CEP63: variants seen among roughly 807,000 people sequenced by gnomAD.
CEP63 encodes centrosomal protein 63, also known as centrosomal protein of 63 kDa.
A neutral mutation model predicts 89.1 loss-of-function variants in CEP63; 84 were observed. The ratio of observed to expected loss-of-function variants is 0.94; its 90% CI spans 0.79 to 1.13. The LOEUF (loss-of-function observed/expected upper bound fraction) is 1.13, where lower values mean the gene tolerates loss of function less well. Ranked by LOEUF, CEP63 falls within the 50% of genes most tolerant of loss-of-function variation. CEP63 has a pLI of 0.00. For missense variants in CEP63, 838 were observed against 813.3 expected (o/e 1.03, Z -0.37); for synonymous variants, 267 against 272.5 (o/e 0.98, Z 0.20).
At chr3:134,761,651 G>T in the CEP63 span, among the ~76,000 whole-genome samples, 2 of 152,188 alleles carry the variant, frequency 1.3e-5, no homozygotes, top group African/African-American at 4.8e-5. Flanking sequence ...CTCTATGACA[G>T]CTTTTTCAGC....
At chr3:134,525,233 C>T (rs776317949) in intron 3 of CEP63, among the ~76,000 whole-genome samples, 2 of 152,064 alleles carry the variant, frequency 1.3e-5, no homozygotes, top group East Asian at 1.9e-4. Context: ...TGATATCTTC[C>T]TTATCATTTC....
chr3:134,719,271 A>C, the CEP63 span, among the ~76,000 whole-genome samples: 31 of 152,076 alleles, frequency 2.0e-4, no homozygotes, highest in African/African-American at 7.5e-4. Context: ...CCAAAGTGCT[A>C]GGATTACAGG....
the CEP63 span, among the ~76,000 whole-genome samples, chr3:134,742,886 T>G: frequency 1.3e-5 from 2 of 152,182 alleles, no homozygotes; most frequent in African/African-American, 4.8e-5. Context: ...ACCAATAAAT[T>G]TACGTTCATT....
chr3:134,521,309 A>G (rs900354598), intron 3 of CEP63, among the ~76,000 whole-genome samples: 2 of 152,188 alleles, frequency 1.3e-5, no homozygotes, highest in African/African-American at 2.4e-5. Context: ...GTATTTTATC[A>G]AAAAGAGTGC....
At chr3:134,703,750 A>T in the CEP63 span, among the ~76,000 whole-genome samples, 1 of 152,222 alleles carries the variant, frequency 6.6e-6, no homozygotes, top group Non-Finnish European at 1.5e-5. Context: ...CCTATGCAAC[A>T]AATCCACACA....
chr3:134,486,396 G>T (rs1935382167), intron 1 of CEP63, 194 bp downstream of exon 1: 2 of 985,524 alleles, frequency 2.0e-6, no homozygotes, highest in South Asian at 9.4e-5. Flanking sequence ...GTCCCCGCCG[G>T]CTTGGGTCCG....
At chr3:134,741,716 A>G in the CEP63 span, among the ~76,000 whole-genome samples, 41 of 152,342 alleles carry the variant, frequency 2.7e-4, no homozygotes, top group Non-Finnish European at 1.5e-5. Context: ...TAAAAAAGAT[A>G]TATTTACTTC....
intron 6 of CEP63, among the ~76,000 whole-genome samples, chr3:134,540,243 T>C (rs1328741826): frequency 1.3e-5 from 2 of 152,188 alleles, no homozygotes; most frequent in Non-Finnish European, 2.9e-5. Flanking sequence ...TTTTTAAATA[T>C]GACATGTCAA....
the CEP63 span, among the ~76,000 whole-genome samples, chr3:134,661,505 G>T: frequency 1.3e-5 from 2 of 152,152 alleles, no homozygotes; most frequent in Non-Finnish European, 2.9e-5. Flanking sequence ...CTCTCATGTA[G>T]TTGACCTAGA....
At chr3:134,768,630 G>A in the CEP63 span, among the ~76,000 whole-genome samples, 1 of 152,354 alleles carries the variant, frequency 6.6e-6, no homozygotes, top group African/African-American at 2.4e-5. Flanking sequence ...CTAAAAAGGA[G>A]TGTCTTCTCC....
At chr3:134,618,211 G>T in the CEP63 span, among the ~76,000 whole-genome samples, 7 of 152,126 alleles carry the variant, frequency 4.6e-5, no homozygotes, top group African/African-American at 1.7e-4. Context: ...ACAACAGGGG[G>T]TTTGGGCCAG....
the CEP63 span, among the ~76,000 whole-genome samples, chr3:134,767,345 C>T: frequency 6.6e-6 from 1 of 152,182 alleles, no homozygotes; most frequent in African/African-American, 2.4e-5. Context: ...CCCCCTTCAA[C>T]TAAAAGACTG....
downstream of CEP63, among the ~76,000 whole-genome samples, chr3:134,589,119 A>G (rs1958547246): frequency 6.6e-6 from 1 of 152,240 alleles, no homozygotes; most frequent in Non-Finnish European, 1.5e-5. Flanking sequence ...GAATGTTTCC[A>G]AATATTTAAG....
chr3:134,688,323 G>T, the CEP63 span, among the ~76,000 whole-genome samples: 4 of 152,206 alleles, frequency 2.6e-5, no homozygotes, highest in African/African-American at 9.6e-5. Context: ...TACATGAAAT[G>T]CCCAGAAAAG....
At chr3:134,514,899 A>G (rs1039744884) in intron 3 of CEP63, among the ~76,000 whole-genome samples, 1 of 152,222 alleles carries the variant, frequency 6.6e-6, no homozygotes, top group Non-Finnish European at 1.5e-5. Flanking sequence ...TAAAACAACA[A>G]TAATAGATGG....
rs1167030008 is a variant in CEP63 at position 134,486,159 on chromosome 3, G to C, written c.-69G>C. On this transcript the variant is annotated 5_prime_UTR_variant, in exon 1 of 15. Coordinates refer to ENST00000675561, the MANE Select transcript of CEP63 (RefSeq NM_001353108.3). ...ACAAACGCGCCGACTACAGAGGCTG[G>C]ACGTAAGCTTAGCGGTGGCGCGCGT... The C allele has an allele frequency of 2.0e-6, 2 of 985,504 alleles. No individual in the cohort carries two copies. Among genetic ancestry groups the C allele is most frequent in the East Asian group, 2.3e-4 (2 of 8,826 alleles). The allele number at this position is 985,504 out of a possible 1,614,324, so 61.0% of individuals were successfully genotyped here.
the CEP63 span, among the ~76,000 whole-genome samples, chr3:134,658,293 A>G: frequency 6.6e-6 from 1 of 152,106 alleles, no homozygotes; most frequent in Non-Finnish European, 1.5e-5. Context: ...TTGTGTGTGC[A>G]TGTGTGTGTT....
the CEP63 span, among the ~76,000 whole-genome samples, chr3:134,637,033 C>G: frequency 6.6e-6 from 1 of 152,108 alleles, no homozygotes; most frequent in Non-Finnish European, 1.5e-5. Flanking sequence ...TTTTGTGTAG[C>G]TCATAAACTT....
At chr3:134,646,582 C>T in the CEP63 span, among the ~76,000 whole-genome samples, 1 of 152,126 alleles carries the variant, frequency 6.6e-6, no homozygotes, top group Non-Finnish European at 1.5e-5. Context: ...ACTTTTAGAA[C>T]TTCATCTTTC....
Sources: gnomAD v4.1 joint callset for allele counts (sites outside exome capture counted in the v4.1 genomes callset) on GRCh38, gnomAD v4.1.1 for gene constraint, MANE v1.5 for transcripts, NCBI Gene and HGNC (gene_info 2026-07-23, HGNC 2026-07-21) for gene names.